Variants in OR2L13 observed in about 807,000 individuals in gnomAD.
The protein encoded by OR2L13 is olfactory receptor family 2 subfamily L member 13.
A neutral mutation model predicts 15.3 loss-of-function variants in OR2L13; 14 were observed. That is an observed-to-expected ratio of 0.91 (90% confidence interval 0.60 to 1.43). OR2L13 has a LOEUF of 1.43. OR2L13 is among the 40% of genes most tolerant of loss of function. OR2L13 has a pLI of 0.00. For missense variants in OR2L13, 367 were observed against 387.9 expected (o/e 0.95, Z 0.45); for synonymous variants, 152 against 142.9 (o/e 1.06, Z -0.45).
the OR2L13 span, chr1:248,051,322 T>G: frequency 2.0e-5 from 3 of 152,230 alleles, no homozygotes; most frequent in Non-Finnish European, 4.4e-5. Context: ...TCATCCATGT[T>G]GTAGCATGTG....
chr1:247,976,925 C>T, the OR2L13 span, among the ~76,000 whole-genome samples: 45 of 152,334 alleles, frequency 3.0e-4, no homozygotes, highest in African/African-American at 1.1e-3. Context: ...GTTTCTTTCA[C>T]TGCGTGAATC....
chr1:248,018,768 C>T, the OR2L13 span, among the ~76,000 whole-genome samples: 1 of 152,120 alleles, frequency 6.6e-6, no homozygotes, highest in African/African-American at 2.4e-5. Flanking sequence ...TCATTTTCTC[C>T]AACTAAAATT....
At chr1:248,064,884 C>T in the OR2L13 span, among the ~76,000 whole-genome samples, 3 of 152,094 alleles carry the variant, frequency 2.0e-5, no homozygotes, top group African/African-American at 7.2e-5. Context: ...TCAAGGCTAT[C>T]AGAAATGACT....
the OR2L13 span, among the ~76,000 whole-genome samples, chr1:248,013,142 C>T: frequency 6.7e-6 from 1 of 150,368 alleles, no homozygotes. Flanking sequence ...TTAATAACTT[C>T]TACTTACATG....
At chr1:247,952,727 A>G in the OR2L13 span, among the ~76,000 whole-genome samples, 4 of 152,322 alleles carry the variant, frequency 2.6e-5, no homozygotes, top group East Asian at 7.7e-4. Context: ...ATTATTGGAA[A>G]GAGCCTGAGG....
the OR2L13 span, chr1:248,041,381 C>T: frequency 1.3e-4 from 20 of 152,162 alleles, 1 homozygote; most frequent in South Asian, 2.1e-3. Context: ...AAGACTTAAA[C>T]GTTAGACCTA....
chr1:248,026,682 C>A, the OR2L13 span, among the ~76,000 whole-genome samples: 4 of 152,152 alleles, frequency 2.6e-5, no homozygotes, highest in Non-Finnish European at 5.9e-5. Context: ...ATTTGTTCCC[C>A]AAATTAATAC....
At chr1:247,939,222 C>T in the OR2L13 span, 2 of 152,160 alleles carry the variant, frequency 1.3e-5, no homozygotes, top group African/African-American at 4.8e-5. Flanking sequence ...ATTCTTATAT[C>T]TACATCAGAT....
the OR2L13 span, among the ~76,000 whole-genome samples, chr1:247,998,360 T>A: frequency 6.6e-6 from 1 of 152,036 alleles, no homozygotes; most frequent in Non-Finnish European, 1.5e-5. Context: ...TTTTATAGGA[T>A]CCAGTGAAAT....
At chr1:248,048,418 G>A in the OR2L13 span, among the ~76,000 whole-genome samples, 1 of 152,140 alleles carries the variant, frequency 6.6e-6, no homozygotes, top group South Asian at 2.1e-4. Context: ...AATCTATTGT[G>A]GAGGAACTTG....
the OR2L13 span, chr1:247,990,811 G>T: frequency 3.1e-6 from 5 of 1,602,554 alleles, no homozygotes; most frequent in Non-Finnish European, 4.3e-6. Context: ...TGATGTTCCA[G>T]CTATGTTGAC....
chr1:248,017,169 A>C, the OR2L13 span, among the ~76,000 whole-genome samples: 12,500 of 152,218 alleles, frequency 0.082, 643 homozygotes, highest in East Asian at 0.16. Context: ...AGAGTTATAA[A>C]AATAAAAGCA....
chr1:248,038,538 ATCTC>A, the OR2L13 span: 1 of 1,614,172 alleles, frequency 6.2e-7, no homozygotes, highest in Non-Finnish European at 8.5e-7. Context: ...AAACAAGTCT[ATCTC>A]CTTCACTGGA....
chr1:248,093,425 A>G (rs968743095), upstream of OR2L13, among the ~76,000 whole-genome samples: 6 of 152,202 alleles, frequency 3.9e-5, no homozygotes, highest in African/African-American at 1.4e-4. Flanking sequence ...GCTGAGAATG[A>G]GTTTTACCTG....
chr1:248,007,396 C>T, the OR2L13 span, among the ~76,000 whole-genome samples: 1 of 152,174 alleles, frequency 6.6e-6, no homozygotes, highest in South Asian at 2.1e-4. Flanking sequence ...CTCAGGAAAG[C>T]AATAAGCTAG....
At chr1:247,973,906 G>T in the OR2L13 span, among the ~76,000 whole-genome samples, 1 of 152,154 alleles carries the variant, frequency 6.6e-6, no homozygotes, top group African/African-American at 2.4e-5. Context: ...AATACCATTT[G>T]CTCTAGCAAT....
At chr1:248,012,096 A>G in the OR2L13 span, among the ~76,000 whole-genome samples, 4,789 of 152,244 alleles carry the variant, frequency 0.031, 227 homozygotes, top group African/African-American at 0.11. Context: ...CTTCTTCCAG[A>G]ATAAATCAAG....
the OR2L13 span, among the ~76,000 whole-genome samples, chr1:247,960,183 G>A: frequency 1.3e-5 from 2 of 152,188 alleles, no homozygotes; most frequent in Non-Finnish European, 2.9e-5. Flanking sequence ...CTGCAGTTCT[G>A]TTGGAGTTTG....
chr1:248,028,113 C>G, the OR2L13 span, among the ~76,000 whole-genome samples: 1 of 133,868 alleles, frequency 7.5e-6, no homozygotes, highest in Non-Finnish European at 1.5e-5. Context: ...TGCACTCTAG[C>G]CTGAGCGACA....
Sources: allele counts gnomAD v4.1 joint callset (sites outside exome capture counted in the v4.1 genomes callset), GRCh38; gene constraint gnomAD v4.1.1; transcripts MANE v1.5; gene names NCBI Gene and HGNC (gene_info 2026-07-23, HGNC 2026-07-21).